Variants in PRKN observed in about 807,000 individuals in gnomAD.
PRKN encodes the protein E3 ubiquitin-protein ligase parkin.
In PRKN, 56 loss-of-function variants were observed where a neutral mutation model predicts 59.5. That is an observed-to-expected ratio of 0.94 (90% confidence interval 0.76 to 1.18). The LOEUF (loss-of-function observed/expected upper bound fraction) is 1.18, where lower values mean the gene tolerates loss of function less well. PRKN is among the 50% of genes most tolerant of loss of function. PRKN has a pLI of 0.00. For missense variants in PRKN, 657 were observed against 596.4 expected, an observed-to-expected ratio of 1.10 and a Z score of -1.06; for synonymous variants, 250 against 222.1, an observed-to-expected ratio of 1.13 and a Z score of -1.12.
intron 1 of PRKN, among the ~76,000 whole-genome samples, chr6:162,626,924 G>C (rs1782922242): frequency 6.6e-6 from 1 of 152,030 alleles, no homozygotes. Flanking sequence ...ATGAAAACTT[G>C]AAAGTAACTG....
intron 2 of PRKN, among the ~76,000 whole-genome samples, chr6:162,399,454 G>C (rs10455905): frequency 6.6e-6 from 1 of 151,990 alleles, no homozygotes; most frequent in African/African-American, 2.4e-5. Flanking sequence ...GTGGACTACT[G>C]CTCTACGCCC....
chr6:161,637,062 G>A (rs1783550381), intron 7 of PRKN, among the ~76,000 whole-genome samples: 1 of 152,182 alleles, frequency 6.6e-6, no homozygotes, highest in Non-Finnish European at 1.5e-5. Context: ...CTCATAAAAG[G>A]CTTGAAATGA....
At chr6:162,436,755 A>G (rs1789791896) in intron 2 of PRKN, among the ~76,000 whole-genome samples, 1 of 123,464 alleles carries the variant, frequency 8.1e-6, no homozygotes. Context: ...AATACTCATC[A>G]TGTCTATTCA....
At chr6:161,610,646 C>T (rs978719765) in intron 7 of PRKN, among the ~76,000 whole-genome samples, 3 of 151,706 alleles carry the variant, frequency 2.0e-5, no homozygotes, top group Admixed American at 1.3e-4. Context: ...TATTGGGTGC[C>T]GTAACAAGTA....
chr6:162,703,695 CTG>C (rs752724517), intron 1 of PRKN, among the ~76,000 whole-genome samples: 8 of 152,296 alleles, frequency 5.3e-5, no homozygotes, highest in Non-Finnish European at 1.2e-4. Context: ...AGGGAGGTTC[CTG>C]TCCCACAGTC....
At chr6:162,416,731 C>G (rs1389489784) in intron 2 of PRKN, among the ~76,000 whole-genome samples, 1 of 152,066 alleles carries the variant, frequency 6.6e-6, no homozygotes, top group Non-Finnish European at 1.5e-5. Context: ...TACTTACTGA[C>G]ACGTGATTGG....
At chr6:161,508,827 G>C (rs970306262) in intron 9 of PRKN, among the ~76,000 whole-genome samples, 1 of 151,326 alleles carries the variant, frequency 6.6e-6, no homozygotes, top group African/African-American at 2.4e-5. Flanking sequence ...AAGTTTCACA[G>C]TTCTTGAGTG....
At chr6:161,833,027 C>T (rs1031670802) in intron 6 of PRKN, among the ~76,000 whole-genome samples, 1 of 152,116 alleles carries the variant, frequency 6.6e-6, no homozygotes. Flanking sequence ...AATAGGAAGC[C>T]TCATGAGACA....
At chr6:162,474,239 A>G (rs1388974493) in intron 1 of PRKN, among the ~76,000 whole-genome samples, 2 of 152,224 alleles carry the variant, frequency 1.3e-5, no homozygotes, top group African/African-American at 4.8e-5. Context: ...ACGCCAGCAT[A>G]ATACATCTTA....
At chr6:161,591,793 C>T (rs897476769) in intron 7 of PRKN, among the ~76,000 whole-genome samples, 1 of 152,172 alleles carries the variant, frequency 6.6e-6, no homozygotes. Flanking sequence ...ATAAGATATT[C>T]TAATGGAGAA....
In PRKN at chr6:161,696,054, TC is replaced by T. The variant is rs1319277287; in HGVS notation, c.871+89717del. 2.0e-5 allele frequency among the ~76,000 whole-genome samples: 3 copies of T among 152,060 alleles called. No homozygotes were observed. In the East Asian group the frequency reaches 5.8e-4, roughly 29 times the overall value. ...ATTATTCCAAAGCATTACATACATC[TC>T]TCCTTAGAAGAGCGATGAAGCTATA... On this transcript the variant is annotated intron_variant, in intron 7 of 11. Transcript: ENST00000366898.
At chr6:162,386,726 G>A (rs986022461) in intron 2 of PRKN, among the ~76,000 whole-genome samples, 7 of 152,158 alleles carry the variant, frequency 4.6e-5, no homozygotes, top group Non-Finnish European at 7.4e-5. Context: ...GCAGGTATAA[G>A]GGACAGAGAC....
Position 161,397,258 on chromosome 6 carries a change from G to C in PRKN, c.1084-10381C>G, listed in dbSNP as rs1786806051. ...GTGGCAATCCAGGTGCTGGAGTCAA[G>C]TAGCTTACAGCTAAGGTGGATGTTT... On this transcript the variant is annotated intron_variant, in intron 9 of 11. Transcript: ENST00000366898. This position sits in a 1 kb window ranked among gnomAD's most constrained non-coding sequence, Gnocchi z 4.2. Among the ~76,000 whole-genome samples the C allele has an allele frequency of 6.6e-6, 1 of 152,218 alleles. No individual in the cohort carries two copies. Among genetic ancestry groups the C allele is most frequent in the South Asian group, 2.1e-4 (1 of 4,834 alleles).
At chr6:161,681,710 G>A (rs1785372076) in intron 7 of PRKN, among the ~76,000 whole-genome samples, 1 of 152,212 alleles carries the variant, frequency 6.6e-6, no homozygotes, top group Admixed American at 6.5e-5. Flanking sequence ...GGAGGACCCT[G>A]TGTCAGACAG....
At chr6:162,230,919 T>TA (rs1562598391) in intron 3 of PRKN, among the ~76,000 whole-genome samples, 1 of 152,148 alleles carries the variant, frequency 6.6e-6, no homozygotes, top group African/African-American at 2.4e-5. Context: ...TTCTATCTCA[T>TA]AAAAAATATT....
chr6:161,475,934 C>T lies in PRKN; in HGVS notation c.1083+72920G>A, dbSNP rs932197248. ...GGTCGCGGTGGCTCACGCCTGTAAT[C>T]CCAGCATTTTGGGAGGCCAAGGTGG... On this transcript the variant is annotated intron_variant, in intron 9 of 11. Transcript: ENST00000366898. This position sits in a 1 kb window ranked among gnomAD's most constrained non-coding sequence, Gnocchi z 5.3. Among the ~76,000 whole-genome samples, 7 of 151,920 alleles carry T rather than the reference C, an allele frequency of 4.6e-5. No homozygotes were observed. Among genetic ancestry groups the T allele is most frequent in the African/African-American group, 1.7e-4 (7 of 41,340 alleles).
At chr6:162,009,219 C>G (rs111947369) in intron 5 of PRKN, among the ~76,000 whole-genome samples, 3 of 152,000 alleles carry the variant, frequency 2.0e-5, no homozygotes, top group South Asian at 2.1e-4. Context: ...CGCCACTGCA[C>G]TCTAGCCTGG....
chr6:161,735,562 T>A (rs1787929602), intron 7 of PRKN, among the ~76,000 whole-genome samples: 2 of 152,302 alleles, frequency 1.3e-5, no homozygotes, highest in South Asian at 4.1e-4. Flanking sequence ...GATTTGCAAC[T>A]GTGCAGGGGC....
Position 161,530,499 on chromosome 6 carries a change from T to C in PRKN, c.1083+18355A>G, listed in dbSNP as rs1779163314. ...CCGTGTCGAAGAAGACCTATACGGC[T>C]TGCTTCTTTTTTTCTTTTTTTCTTT... On this transcript the variant is annotated intron_variant, in intron 9 of 11. Coordinates refer to ENST00000366898, the MANE Select transcript of PRKN (RefSeq NM_004562.3). This position sits in a 1 kb window ranked among gnomAD's most constrained non-coding sequence, Gnocchi z 5.0. Among the ~76,000 whole-genome samples the C allele has an allele frequency of 6.6e-6, 1 of 151,904 alleles. No individual in the cohort carries two copies. Among genetic ancestry groups the C allele is most frequent in the Non-Finnish European group, 1.5e-5 (1 of 67,994 alleles).
Sources: gnomAD v4.1 joint callset for allele counts (sites outside exome capture counted in the v4.1 genomes callset) on GRCh38, gnomAD v4.1.1 for gene constraint, Gnocchi (gnomAD v3.1) non-coding constraint, MANE v1.5 for transcripts, NCBI Gene and HGNC (gene_info 2026-07-23, HGNC 2026-07-21) for gene names.